EXT2: variants seen among roughly 807,000 people sequenced by gnomAD.
EXT2 encodes exostosin glycosyltransferase 2, also known as exostosin-2.
A neutral mutation model predicts 81.6 loss-of-function variants in EXT2; 53 were observed. The ratio of observed to expected loss-of-function variants is 0.65; its 90% CI spans 0.52 to 0.82. EXT2 has a LOEUF of 0.82. EXT2 is among the 40% of genes least tolerant of loss of function. The pLI, the probability that EXT2 is intolerant of heterozygous loss-of-function variation, is 0.00. For synonymous variants in EXT2, 320 were observed against 340.0 expected, an observed-to-expected ratio of 0.94 and a Z score of 0.65; for missense variants, 774 against 910.2, an observed-to-expected ratio of 0.85 and a Z score of 1.93.
chr11:44,207,528 A>G (rs1478502360), intron 10 of EXT2, among the ~76,000 whole-genome samples: 1 of 152,212 alleles, frequency 6.6e-6, no homozygotes, highest in African/African-American at 2.4e-5. Context: ...GCCAGAGTCC[A>G]GGCCTGGTGA....
chr11:44,208,702 ATGC>A (rs774084766), intron 10 of EXT2, among the ~76,000 whole-genome samples: 3 of 152,214 alleles, frequency 2.0e-5, no homozygotes, highest in African/African-American at 4.8e-5. Context: ...TACATTACTT[ATGC>A]TCTTGGCCCA....
At chr11:44,134,551 G>A (rs1168535344) in intron 7 of EXT2, among the ~76,000 whole-genome samples, 1 of 152,152 alleles carries the variant, frequency 6.6e-6, no homozygotes, top group East Asian at 1.9e-4. Flanking sequence ...TTGGAAGGCA[G>A]GCAGAAGTAT....
At chr11:44,157,525 A>G (rs923728976) in intron 7 of EXT2, among the ~76,000 whole-genome samples, 1 of 152,094 alleles carries the variant, frequency 6.6e-6, no homozygotes, top group Non-Finnish European at 1.5e-5. Flanking sequence ...GCCCATGGCA[A>G]GTACAGCCTG....
chr11:44,161,051 C>T (rs1954921173), intron 7 of EXT2, among the ~76,000 whole-genome samples: 1 of 152,078 alleles, frequency 6.6e-6, no homozygotes, highest in African/African-American at 2.4e-5. Context: ...TTGGCATATA[C>T]ATCAAAATAA....
chr11:44,194,007 C>G (rs1294614363), intron 8 of EXT2, among the ~76,000 whole-genome samples: 1 of 152,210 alleles, frequency 6.6e-6, no homozygotes, highest in African/African-American at 2.4e-5. Flanking sequence ...GGTTCCATGT[C>G]CCTGGCAGCT....
At chr11:44,140,541 C>G (rs1954631826) in intron 7 of EXT2, among the ~76,000 whole-genome samples, 2 of 152,154 alleles carry the variant, frequency 1.3e-5, no homozygotes, top group South Asian at 4.2e-4. Context: ...AAGGAAAAAC[C>G]ATTACCTGGA....
chr11:44,232,318 T>C, intron 10 of EXT2, 35 bp from the exon 11 acceptor site: 1 of 1,612,794 alleles, frequency 6.2e-7, no homozygotes, highest in Non-Finnish European at 8.5e-7. Flanking sequence ...GCTGTCTGAA[T>C]TGGGACTTGA....
chr11:44,195,831 A>T (rs1309144150), intron 8 of EXT2, among the ~76,000 whole-genome samples: 1 of 152,368 alleles, frequency 6.6e-6, no homozygotes, highest in Non-Finnish European at 1.5e-5. Flanking sequence ...GCATGATAAC[A>T]TATGAATATG....
intron 7 of EXT2, among the ~76,000 whole-genome samples, chr11:44,149,955 ATTG>A (rs1225633327): frequency 6.6e-6 from 1 of 152,234 alleles, no homozygotes; most frequent in African/African-American, 2.4e-5. Flanking sequence ...CAAAGAGGAA[ATTG>A]TTGTATATTC....
chr11:44,159,121 CT>C (rs199749540), intron 7 of EXT2, among the ~76,000 whole-genome samples: 27,720 of 140,554 alleles, frequency 0.2, 2,441 homozygotes, highest in South Asian at 0.24. Context: ...TGCTTTCGTT[CT>C]TTTTTTTTTT....
intron 7 of EXT2, among the ~76,000 whole-genome samples, chr11:44,140,704 C>T (rs1386345446): frequency 1.3e-5 from 2 of 152,144 alleles, no homozygotes; most frequent in Non-Finnish European, 2.9e-5. Context: ...GTAGAATAAG[C>T]CCTTAGAATG....
intron 7 of EXT2, among the ~76,000 whole-genome samples, chr11:44,157,074 C>T (rs150425343): frequency 0.01 from 1,589 of 152,284 alleles, 23 homozygotes; most frequent in African/African-American, 0.034. Context: ...TACTTTCTCC[C>T]TAACAAATGG....
intron 3 of EXT2, among the ~76,000 whole-genome samples, chr11:44,111,835 A>C (rs1316119158): frequency 6.6e-6 from 1 of 152,186 alleles, no homozygotes; most frequent in East Asian, 1.9e-4. Context: ...TATTGTGTGA[A>C]TCTCTGCATG....
In EXT2 at chr11:44,249,093, C is replaced by T. The variant is rs111918392; in HGVS notation, c.*4806C>T. Among the ~76,000 whole-genome samples, 3,554 of 152,126 alleles carry T rather than the reference C, an allele frequency of 0.023. 75 individuals are homozygous for T. The highest frequency in any genetic ancestry group is 0.095 in the Middle Eastern group (28 of 294). Reference sequence around the variant, plus strand: ...CTCGCTGCAGCCTCAAACTCCTGGACTCAAGCAGTCTTCCCATCTCAGCCT... The same window carrying T: ...CTCGCTGCAGCCTCAAACTCCTGGATTCAAGCAGTCTTCCCATCTCAGCCT... On this transcript the variant is annotated 3_prime_UTR_variant, in exon 14 of 14. Coordinates refer to ENST00000533608, the MANE Select transcript of EXT2 (RefSeq NM_207122.2).
intron 9 of EXT2, among the ~76,000 whole-genome samples, chr11:44,204,198 T>C (rs1257116252): frequency 1.3e-5 from 2 of 152,174 alleles, no homozygotes; most frequent in Admixed American, 1.3e-4. Context: ...TCATAATCAC[T>C]CTGAGTCATT....
chr11:44,102,266 C>T (rs1424083762), intron 1 of EXT2, among the ~76,000 whole-genome samples: 1 of 152,168 alleles, frequency 6.6e-6, no homozygotes, highest in Non-Finnish European at 1.5e-5. Context: ...CAGTACCAGG[C>T]AACCCTCAAC....
intron 8 of EXT2, among the ~76,000 whole-genome samples, chr11:44,196,815 C>T (rs1238264452): frequency 6.6e-6 from 1 of 152,146 alleles, no homozygotes; most frequent in Non-Finnish European, 1.5e-5. Flanking sequence ...TCTGTTACTT[C>T]TAAGTTCCTT....
intron 4 of EXT2, among the ~76,000 whole-genome samples, chr11:44,120,746 A>G (rs1372539265): frequency 6.6e-6 from 1 of 152,156 alleles, no homozygotes; most frequent in Non-Finnish European, 1.5e-5. Context: ...TGGGAAGTGG[A>G]TGATTGTTGC....
At chr11:44,144,440 C>A in intron 7 of EXT2, 1 of 988,892 alleles carries the variant, frequency 1.0e-6, no homozygotes, top group Non-Finnish European at 1.5e-6. Context: ...GTGGCTCCTG[C>A]TTTAGTAACC....
Sources: allele counts gnomAD v4.1 joint callset (sites outside exome capture counted in the v4.1 genomes callset), GRCh38; gene constraint gnomAD v4.1.1; transcripts MANE v1.5; gene names NCBI Gene and HGNC (gene_info 2026-07-23, HGNC 2026-07-21).